PSMF1: variants seen among roughly 807,000 people sequenced by gnomAD.
PSMF1 encodes proteasome inhibitor PI31 subunit.
In PSMF1, 30 loss-of-function variants were observed where a neutral mutation model predicts 29.3. That is an observed-to-expected ratio of 1.02 (90% CI 0.77 to 1.39). PSMF1 has a LOEUF of 1.39. Ranked by LOEUF, PSMF1 falls within the 40% of genes most tolerant of loss-of-function variation. The probability of loss-of-function intolerance (pLI) is 0.00; values close to 1 mark genes in which losing one functional copy is unlikely to be tolerated. For missense variants in PSMF1, 344 were observed against 357.5 expected, an observed-to-expected ratio of 0.96 and a Z score of 0.31; for synonymous variants, 134 against 139.7, an observed-to-expected ratio of 0.96 and a Z score of 0.29.
At chr20:1,131,316 T>C (rs1414836513) in intron 3 of PSMF1, among the ~76,000 whole-genome samples, 3 of 152,260 alleles carry the variant, frequency 2.0e-5, no homozygotes, top group Non-Finnish European at 2.9e-5. Context: ...GTTTTTTAAG[T>C]ACATTTGTTT....
upstream of PSMF1, among the ~76,000 whole-genome samples, chr20:1,114,050 C>G (rs1032443883): frequency 2.6e-5 from 4 of 152,204 alleles, no homozygotes; most frequent in Admixed American, 1.3e-4. Flanking sequence ...GAGGACAGAG[C>G]AGATCGCACT....
At chr20:1,155,120 C>G (rs898265252) in intron 4 of PSMF1, among the ~76,000 whole-genome samples, 1 of 152,172 alleles carries the variant, frequency 6.6e-6, no homozygotes, top group Non-Finnish European at 1.5e-5. Flanking sequence ...GTGAATTCAC[C>G]GTTGTTCCCC....
intron 2 of PSMF1, 103 bp from the exon 3 acceptor site, chr20:1,127,323 T>G (rs773271856): frequency 2.3e-6 from 2 of 880,374 alleles, no homozygotes. Flanking sequence ...TGTGGACATA[T>G]GTGAATATTT....
At position 1,127,402 on chromosome 20, in the gene PSMF1, C is replaced by A. The variant is rs754355429; in HGVS notation, c.283-24C>A. ...CTTAGCCAGAAATATCCCAGTCTCT[C>A]ACTTTCTATTTTCACCCATCTAGGA... On this transcript the variant is annotated intron_variant, in intron 2 of 6. Transcript: ENST00000335877. 30 of 1,542,466 alleles carry A rather than the reference C, an allele frequency of 1.9e-5. No individual in the cohort carries two copies. The South Asian group carries it at 3.4e-4, about 17-fold the overall frequency.
intron 4 of PSMF1, among the ~76,000 whole-genome samples, chr20:1,162,671 G>T (rs116143801): frequency 1.3e-5 from 2 of 152,080 alleles, no homozygotes; most frequent in African/African-American, 4.8e-5. Flanking sequence ...TTATACAGGG[G>T]CTATATTGAC....
intron 4 of PSMF1, among the ~76,000 whole-genome samples, chr20:1,152,261 G>T (rs1396981264): frequency 1.3e-5 from 2 of 152,216 alleles, no homozygotes; most frequent in African/African-American, 4.8e-5. Flanking sequence ...TTATGCAAAA[G>T]AAAACTGAGG....
chr20:1,164,461 G>A lies in PSMF1; in HGVS notation c.749G>A (p.Gly250Glu), dbSNP rs2122617916. The A allele has an allele frequency of 1.9e-6, 3 of 1,614,132 alleles. No individual in the cohort carries two copies. The highest frequency in any genetic ancestry group is 4.5e-5 in the East Asian group (2 of 44,882). ...GARFDPFGPI[G>E]TSPPGPNPDH... ...CGCTTTGACCCCTTTGGACCCATTG[G>A]GACCAGCCCACCCGGGTACGTAGTC... is the stretch of plus-strand genomic sequence containing the variant. The change falls in exon 6 of 7, where the codon GGG becomes GAG. Residue 250 changes from glycine to glutamate, a missense_variant. Transcript: ENST00000335877. This position sits in a 1 kb window ranked among gnomAD's most constrained non-coding sequence, Gnocchi z 4.1.
intron 4 of PSMF1, among the ~76,000 whole-genome samples, chr20:1,144,908 T>C (rs1258954517): frequency 6.6e-6 from 1 of 152,112 alleles, no homozygotes; most frequent in African/African-American, 2.4e-5. Flanking sequence ...TCTTTTTTTT[T>C]CTTTTTAGAC....
intron 3 of PSMF1, among the ~76,000 whole-genome samples, chr20:1,132,733 T>C (rs1049963134): frequency 1.3e-5 from 2 of 152,186 alleles, no homozygotes; most frequent in Non-Finnish European, 2.9e-5. Context: ...CATTTATTAA[T>C]ATTTAGGTTT....
intron 1 of PSMF1, among the ~76,000 whole-genome samples, chr20:1,123,629 C>T (rs1271327495): frequency 6.6e-6 from 1 of 152,130 alleles, no homozygotes; most frequent in African/African-American, 2.4e-5. Flanking sequence ...TGCATTTTAT[C>T]TCCACTTTTG....
chr20:1,134,965 G>C (rs190925164), intron 3 of PSMF1, 156 bp from the exon 4 acceptor site: 1 of 750,834 alleles, frequency 1.3e-6, no homozygotes, highest in Middle Eastern at 2.2e-4. Flanking sequence ...CCCTCACCCA[G>C]GTCCAGCAGG....
chr20:1,150,902 C>G (rs1195464526), intron 4 of PSMF1, among the ~76,000 whole-genome samples: 3 of 151,956 alleles, frequency 2.0e-5, no homozygotes, highest in Admixed American at 6.6e-5. Flanking sequence ...AATGGTTTAC[C>G]TTTTATGTTT....
At chr20:1,118,923 G>A (rs779648041) in intron 1 of PSMF1, 21 bp downstream of exon 1, 2 of 1,612,582 alleles carry the variant, frequency 1.2e-6, no homozygotes, top group Non-Finnish European at 1.7e-6. Context: ...GAGCCGGCCA[G>A]GGTGGAGGAG....
intron 4 of PSMF1, among the ~76,000 whole-genome samples, chr20:1,150,725 T>C (rs1438625099): frequency 1.3e-5 from 2 of 152,174 alleles, no homozygotes; most frequent in East Asian, 1.9e-4. Flanking sequence ...TTTTACCCTA[T>C]TAATGGTTTT....
chr20:1,147,373 G>A (rs1176954594), intron 4 of PSMF1, among the ~76,000 whole-genome samples: 2 of 152,194 alleles, frequency 1.3e-5, no homozygotes, highest in African/African-American at 4.8e-5. Flanking sequence ...TTATCTCGCT[G>A]GGAGGGTGAG....
intron 3 of PSMF1, among the ~76,000 whole-genome samples, chr20:1,134,495 T>C (rs2086276711): frequency 6.6e-6 from 1 of 152,212 alleles, no homozygotes; most frequent in Non-Finnish European, 1.5e-5. Flanking sequence ...ATGTGGTTCA[T>C]TTTAAAATAC....
chr20:1,153,782 A>C (rs1043156897), intron 4 of PSMF1, among the ~76,000 whole-genome samples: 4 of 152,196 alleles, frequency 2.6e-5, no homozygotes, highest in African/African-American at 9.7e-5. Context: ...TGAAGGACCA[A>C]GATCTAATCA....
chr20:1,121,589 A>T (rs1050486621), intron 1 of PSMF1, among the ~76,000 whole-genome samples: 5 of 152,082 alleles, frequency 3.3e-5, no homozygotes, highest in African/African-American at 1.2e-4. Context: ...AGCTCAGAGG[A>T]TATTTGTGTT....
intron 4 of PSMF1, among the ~76,000 whole-genome samples, chr20:1,155,674 T>TAA (rs2086586203): frequency 6.6e-6 from 1 of 152,186 alleles, no homozygotes; most frequent in Admixed American, 6.5e-5. Context: ...CTTTAGAATA[T>TAA]AAGTACAGGA....
Sources: gnomAD v4.1 joint callset for allele counts (sites outside exome capture counted in the v4.1 genomes callset) on GRCh38, gnomAD v4.1.1 for gene constraint, Gnocchi (gnomAD v3.1) non-coding constraint, MANE v1.5 for transcripts, NCBI Gene and HGNC (gene_info 2026-07-23, HGNC 2026-07-21) for gene names.